Variants in KIF15 observed in about 807,000 individuals in gnomAD.
KIF15 encodes kinesin family member 15.
KIF15 carries 140 observed loss-of-function variants against 190.6 expected under a neutral mutation model. The observed-to-expected ratio is 0.73, with a 90% CI of 0.64 to 0.84. The LOEUF (loss-of-function observed/expected upper bound fraction) is 0.84, where lower values mean the gene tolerates loss of function less well. Among genes scored for constraint, KIF15 ranks in the 40% least tolerant of loss-of-function variants. The pLI is 0.00. For synonymous variants in KIF15, 528 were observed against 551.3 expected, an observed-to-expected ratio of 0.96 and a Z score of 0.59; for missense variants, 1,372 against 1,584.4, an observed-to-expected ratio of 0.87 and a Z score of 2.28.
intron 24 of KIF15, 41 bp from the exon 25 acceptor site, chr3:44,829,930 A>T: frequency 8.2e-7 from 1 of 1,214,668 alleles, no homozygotes; most frequent in Non-Finnish European, 1.1e-6. Flanking sequence ...TCTTCTCCTT[A>T]ATGTCATTGG....
intron 7 of KIF15, among the ~76,000 whole-genome samples, chr3:44,790,695 CTTTTTTTT>C (rs56414094): frequency 1.0e-5 from 1 of 97,972 alleles, no homozygotes. Flanking sequence ...TTTTCTGTTT[CTTTTTTTT>C]TTTTTTTTTT....
chr3:44,796,209 TATGGGTTGAGC>T (rs1193725401), intron 8 of KIF15, among the ~76,000 whole-genome samples: 1 of 152,094 alleles, frequency 6.6e-6, no homozygotes, highest in Admixed American at 6.6e-5. Flanking sequence ...AAATATAGCA[TATGGGTTGAGC>T]ATGGTGGCTT....
At chr3:44,836,150 C>T (rs1381014490) in intron 26 of KIF15, among the ~76,000 whole-genome samples, 1 of 152,124 alleles carries the variant, frequency 6.6e-6, no homozygotes, top group Non-Finnish European at 1.5e-5. Context: ...AGCTCAAGAC[C>T]AGCCTGCCCA....
intron 30 of KIF15, among the ~76,000 whole-genome samples, chr3:44,845,626 A>G (rs1022896168): frequency 1.3e-5 from 2 of 152,180 alleles, no homozygotes; most frequent in African/African-American, 4.8e-5. Context: ...CAGTACCAGA[A>G]TGGAGTCACT....
chr3:44,801,401 G>A (rs1262042702), intron 11 of KIF15, 49 bp from the exon 12 acceptor site: 1 of 1,115,912 alleles, frequency 9.0e-7, no homozygotes, highest in Non-Finnish European at 1.3e-6. Flanking sequence ...GTTTTGCAAT[G>A]TGATAAATAT....
intron 31 of KIF15, 86 bp from the exon 32 acceptor site, chr3:44,848,435 G>A: frequency 7.7e-6 from 5 of 651,092 alleles, no homozygotes; most frequent in Non-Finnish European, 1.3e-5. Context: ...GAAGGAGAAT[G>A]GGCTGGTTCC....
chr3:44,786,325 A>G, intron 6 of KIF15, 70 bp from the exon 7 acceptor site: 1 of 1,333,238 alleles, frequency 7.5e-7, no homozygotes, highest in Non-Finnish European at 1.0e-6. Flanking sequence ...CGAGTGCAAA[A>G]TTAATGCTCA....
intron 17 of KIF15, among the ~76,000 whole-genome samples, chr3:44,811,564 G>A (rs553944782): frequency 1.3e-5 from 2 of 152,246 alleles, no homozygotes; most frequent in South Asian, 4.1e-4. Flanking sequence ...AGAATTGCTT[G>A]AACCCGGGAG....
chr3:44,839,394 G>T (rs1698484380), intron 27 of KIF15, among the ~76,000 whole-genome samples: 1 of 151,954 alleles, frequency 6.6e-6, no homozygotes, highest in South Asian at 2.1e-4. Context: ...AAAAGAAAAG[G>T]AGATGATGAT....
At chr3:44,782,378 C>T (rs1462237863) in intron 5 of KIF15, among the ~76,000 whole-genome samples, 1 of 152,128 alleles carries the variant, frequency 6.6e-6, no homozygotes, top group African/African-American at 2.4e-5. Flanking sequence ...TCCTTAATGG[C>T]TTCTGAATTG....
At position 44,853,198 on chromosome 3, in the gene KIF15, T is replaced by C. The variant is rs1264475290; in HGVS notation, c.*463T>C. ...ATAGATTATTTTTGTATTCTTACTT[T>C]AGGTATTTTCTTGAGCATTTTCCAT... On this transcript the variant is annotated 3_prime_UTR_variant, in exon 35 of 35. Transcript: ENST00000326047. 1 of 152,352 alleles carries C rather than the reference T, an allele frequency of 6.6e-6. No individual in the cohort carries two copies. The highest frequency in any genetic ancestry group is 1.5e-5 in the Non-Finnish European group (1 of 68,128). The allele number at this position is 152,352 out of a possible 1,614,324, so 9.4% of individuals were successfully genotyped here.
intron 19 of KIF15, among the ~76,000 whole-genome samples, chr3:44,814,086 G>T (rs1351632319): frequency 6.6e-6 from 1 of 152,126 alleles, no homozygotes; most frequent in African/African-American, 2.4e-5. Context: ...AGTATTTGCA[G>T]TGGTTTGTAA....
chr3:44,864,616 G>A (rs1416648602), intron 6 of KIF15, among the ~76,000 whole-genome samples: 1 of 152,172 alleles, frequency 6.6e-6, no homozygotes, highest in African/African-American at 2.4e-5. Flanking sequence ...TGAAGTCACT[G>A]TGCATCCTAG....
intron 32 of KIF15, 148 bp downstream of exon 32, chr3:44,848,706 C>T: frequency 2.4e-6 from 1 of 412,792 alleles, no homozygotes; most frequent in Non-Finnish European, 4.4e-6. Flanking sequence ...TTTTAAATAC[C>T]ATTTGCTAAA....
At chr3:44,772,701 A>G (rs1705695107) in intron 1 of KIF15, among the ~76,000 whole-genome samples, 1 of 152,232 alleles carries the variant, frequency 6.6e-6, no homozygotes, top group Non-Finnish European at 1.5e-5. Context: ...AGAGAAAGGA[A>G]AATTCAAGGT....
chr3:44,797,976 T>G lies in KIF15; in HGVS notation c.1098+20T>G, dbSNP rs779260080. On this transcript the variant is annotated intron_variant, in intron 10 of 34. Transcript: ENST00000326047. ...AACAAGGTAAAATACTGGCGTATAC[T>G]TCATTAAATAAATGAGAAAAATACT... 1.2e-5 allele frequency: 19 copies of G among 1,571,620 alleles called. No individual in the cohort carries two copies. Among genetic ancestry groups the G allele is most frequent in the Non-Finnish European group, 1.6e-5 (19 of 1,160,638 alleles).
At chr3:44,848,158 T>A (rs1365134148) in intron 31 of KIF15, 101 bp downstream of exon 31, 2 of 707,598 alleles carry the variant, frequency 2.8e-6, no homozygotes, top group Non-Finnish European at 4.7e-6. Flanking sequence ...ACTATTGAAA[T>A]TCCTGTCTTT....
intron 1 of KIF15, among the ~76,000 whole-genome samples, chr3:44,773,635 G>C (rs143225506): frequency 1.3e-5 from 2 of 152,222 alleles, no homozygotes; most frequent in Non-Finnish European, 2.9e-5. Flanking sequence ...CCCTGAGAGC[G>C]ATGAGGGGTA....
At chr3:44,788,768 T>C (rs879147123) in intron 7 of KIF15, among the ~76,000 whole-genome samples, 2 of 152,226 alleles carry the variant, frequency 1.3e-5, no homozygotes, top group Admixed American at 1.3e-4. Context: ...TCTTGTTTTA[T>C]TATCAATGTT....
Sources: gnomAD v4.1 joint callset for allele counts (sites outside exome capture counted in the v4.1 genomes callset) on GRCh38, gnomAD v4.1.1 for gene constraint, MANE v1.5 for transcripts, NCBI Gene and HGNC (gene_info 2026-07-23, HGNC 2026-07-21) for gene names.